Variants in SORCS1 observed in about 807,000 individuals in gnomAD.
The protein encoded by SORCS1 is sortilin related VPS10 domain containing receptor 1.
Under a neutral mutation model 146.1 loss-of-function variants are expected in SORCS1, and 60 were observed. That is an observed-to-expected ratio of 0.41 (90% CI 0.33 to 0.51). SORCS1 has a LOEUF of 0.51. SORCS1 is among the 20% of genes least tolerant of loss of function. SORCS1 has a pLI of 0.21. For missense variants in SORCS1, 1,352 were observed against 1,487.6 expected (o/e 0.91, Z 1.50); for synonymous variants, 637 against 584.0 (o/e 1.09, Z -1.31).
At chr10:106,828,363 AGATATAGTT>A (rs1948389634) in intron 3 of SORCS1, among the ~76,000 whole-genome samples, 1 of 152,180 alleles carries the variant, frequency 6.6e-6, no homozygotes, top group Non-Finnish European at 1.5e-5. Flanking sequence ...AGCTTTAGTA[AGATATAGTT>A]ACCTGAGCCC....
At chr10:106,616,727 G>C (rs572038624) in intron 21 of SORCS1, among the ~76,000 whole-genome samples, 10 of 152,164 alleles carry the variant, frequency 6.6e-5, no homozygotes, top group African/African-American at 2.4e-4. Flanking sequence ...GCCATGAAAG[G>C]AATAGTGTCC....
intron 2 of SORCS1, among the ~76,000 whole-genome samples, chr10:106,948,171 T>C (rs919446019): frequency 2.0e-5 from 3 of 152,116 alleles, no homozygotes; most frequent in African/African-American, 7.2e-5. Context: ...TATATATCTG[T>C]TGACACTTTT....
chr10:107,096,756 C>T (rs531945978), intron 1 of SORCS1, among the ~76,000 whole-genome samples: 3 of 152,270 alleles, frequency 2.0e-5, no homozygotes, highest in African/African-American at 7.2e-5. Context: ...AGGTGATCGG[C>T]CCACCTCGGC....
At chr10:106,886,623 T>C (rs1321385501) in intron 2 of SORCS1, among the ~76,000 whole-genome samples, 1 of 152,220 alleles carries the variant, frequency 6.6e-6, no homozygotes, top group African/African-American at 2.4e-5. Context: ...GAAGGATGGA[T>C]GTTATTAAAG....
At chr10:107,130,963 C>T (rs1457168604) in intron 1 of SORCS1, among the ~76,000 whole-genome samples, 2 of 152,126 alleles carry the variant, frequency 1.3e-5, no homozygotes, top group Non-Finnish European at 2.9e-5. Context: ...CTCCCAATCC[C>T]CCAGTAACTT....
At chr10:106,977,342 G>C (rs1956071004) in intron 1 of SORCS1, among the ~76,000 whole-genome samples, 1 of 152,134 alleles carries the variant, frequency 6.6e-6, no homozygotes, top group South Asian at 2.1e-4. Context: ...CTTTTGAGAA[G>C]TGTCTGCTCA....
rs1314050225 is a variant in SORCS1, at chr10:106,699,289, G to A, written c.1338C>T (p.Val446=). ...YNLYISDTRG[V]YFTLALENVQ... is the part of the protein sequence containing the mutation. Reference sequence around the variant, plus strand: ...CATTCTCCAAGGCCAGGGTGAAGTAGACACCACGTGTGTCTGAGATGTAGA... The same window carrying A: ...CATTCTCCAAGGCCAGGGTGAAGTAAACACCACGTGTGTCTGAGATGTAGA... Residue 446 remains valine, a synonymous_variant, in exon 9 of 26, where the codon GTC becomes GTT. Transcript: ENST00000263054. 4.3e-6 allele frequency: 7 copies of A among 1,613,926 alleles called. No homozygotes were observed. Among genetic ancestry groups the A allele is most frequent in the Non-Finnish European group, 5.1e-6 (6 of 1,179,934 alleles).
chr10:106,580,544 G>A (rs1844843175), intron 24 of SORCS1, among the ~76,000 whole-genome samples: 1 of 152,090 alleles, frequency 6.6e-6, no homozygotes, highest in East Asian at 1.9e-4. Context: ...TGTACTCCAG[G>A]GAAGCCTTGG....
rs767804250 is a variant in SORCS1, at chr10:106,672,999, G to A, written c.1941-14C>T. The A allele has an allele frequency of 1.4e-5, 23 of 1,598,268 alleles. No homozygotes were observed. The highest frequency in any genetic ancestry group is 2.0e-5 in the Non-Finnish European group (23 of 1,166,512). On this transcript the variant is annotated splice_polypyrimidine_tract_variant and intron_variant, in intron 14 of 25. Coordinates refer to ENST00000263054, the MANE Select transcript of SORCS1 (RefSeq NM_052918.5). ...TGTCCAAACACTCTACAGAGTTCAT[G>A]GTGATAAAAATAATTACAATGATAA... is the stretch of plus-strand genomic sequence containing the variant.
intron 24 of SORCS1, among the ~76,000 whole-genome samples, chr10:106,592,565 T>C (rs1249023403): frequency 6.6e-6 from 1 of 152,366 alleles, no homozygotes; most frequent in East Asian, 1.9e-4. Context: ...CTGCTGAACA[T>C]CTGCTGAGCA....
chr10:107,096,540 T>G (rs1309381694), intron 1 of SORCS1, among the ~76,000 whole-genome samples: 1 of 152,064 alleles, frequency 6.6e-6, no homozygotes, highest in African/African-American at 2.4e-5. Context: ...TGAGACGGAG[T>G]CTCCTTCTGT....
intron 23 of SORCS1, chr10:106,600,868 T>G (rs192949122): frequency 8.5e-6 from 2 of 235,002 alleles, no homozygotes; most frequent in African/African-American, 2.3e-5. Flanking sequence ...CAGAAGAGAG[T>G]TGGAGAGACG....
At chr10:106,736,077 T>C (rs1856923964) in intron 5 of SORCS1, among the ~76,000 whole-genome samples, 1 of 152,172 alleles carries the variant, frequency 6.6e-6, no homozygotes, top group South Asian at 2.1e-4. Context: ...AGTATACCAG[T>C]GACATAGCAG....
intron 1 of SORCS1, among the ~76,000 whole-genome samples, chr10:106,977,778 G>A (rs1189003717): frequency 6.6e-6 from 1 of 151,890 alleles, no homozygotes; most frequent in Non-Finnish European, 1.5e-5. Context: ...TATTTGTGCT[G>A]GAATACCAGC....
chr10:107,125,601 C>T (rs530556754), intron 1 of SORCS1, among the ~76,000 whole-genome samples: 2 of 152,284 alleles, frequency 1.3e-5, no homozygotes, highest in African/African-American at 4.8e-5. Flanking sequence ...GCTTTTGGGA[C>T]TGCATCAGAA....
At position 106,629,305 on chromosome 10, in the gene SORCS1, A is replaced by C; in HGVS notation, c.2559T>G (p.Asp853Glu). 6.2e-7 allele frequency: 1 copy of C among 1,614,154 alleles called. No homozygotes were observed. Among genetic ancestry groups the C allele is most frequent in the Non-Finnish European group, 8.5e-7 (1 of 1,180,012 alleles). ...CGTTCTGATAGACGTGTTTGATCCCATCTTCCATGGAGCTGAGATTGACGT... is the reference window on the plus strand; with the variant it reads ...CGTTCTGATAGACGTGTTTGATCCCCTCTTCCATGGAGCTGAGATTGACGT... Reference protein sequence around the residue: ...VSYVNLSSMEDGIKHVYQNVG... With the variant: ...VSYVNLSSMEEGIKHVYQNVG... The change falls in exon 19 of 26, where the codon GAT (aspartate) becomes GAG (glutamate). Residue 853 changes from aspartate (D) to glutamate (E), a missense_variant. By Grantham distance (45) the Asp-to-Glu change is conservative. Transcript: ENST00000263054.
intron 5 of SORCS1, among the ~76,000 whole-genome samples, chr10:106,757,718 T>C (rs1033571351): frequency 2.0e-5 from 3 of 152,360 alleles, no homozygotes; most frequent in East Asian, 1.9e-4. Context: ...ACCACTGATA[T>C]GCCTGAGTGG....
At chr10:106,779,277 G>A (rs1376252267) in intron 3 of SORCS1, among the ~76,000 whole-genome samples, 1 of 152,082 alleles carries the variant, frequency 6.6e-6, no homozygotes, top group East Asian at 1.9e-4. Context: ...CATTCCAGTG[G>A]CTGCTCTCTT....
chr10:106,926,607 G>GA (rs1237618639), intron 2 of SORCS1, among the ~76,000 whole-genome samples: 4 of 152,074 alleles, frequency 2.6e-5, no homozygotes, highest in African/African-American at 9.7e-5. Flanking sequence ...GTCAACATTT[G>GA]AAAATCTCAT....
Sources: gnomAD v4.1 joint callset for allele counts (sites outside exome capture counted in the v4.1 genomes callset) on GRCh38, gnomAD v4.1.1 for gene constraint, MANE v1.5 for transcripts, NCBI Gene and HGNC (gene_info 2026-07-23, HGNC 2026-07-21) for gene names.